KLHDC1: variants seen among roughly 807,000 people sequenced by gnomAD.
KLHDC1 encodes the protein kelch domain containing 1.
Under a neutral mutation model 68.3 loss-of-function variants are expected in KLHDC1, and 53 were observed. The ratio of observed to expected loss-of-function variants is 0.78; its 90% confidence interval spans 0.62 to 0.98. KLHDC1 has a LOEUF of 0.98. Ranked by LOEUF, KLHDC1 falls within the 50% of genes least tolerant of loss-of-function variation. The probability of loss-of-function intolerance (pLI) is 0.00; values close to 1 mark genes in which losing one functional copy is unlikely to be tolerated. For missense variants in KLHDC1, 470 were observed against 492.3 expected (o/e 0.95, Z 0.43); for synonymous variants, 148 against 159.0 (o/e 0.93, Z 0.52).
intron 1 of KLHDC1, among the ~76,000 whole-genome samples, chr14:49,700,499 A>C (rs1887873434): frequency 6.6e-6 from 1 of 152,134 alleles, no homozygotes; most frequent in Admixed American, 6.6e-5. Context: ...TGGGAGGATC[A>C]CTTGAGCCCA....
chr14:49,726,563 A>C (rs1888676272), intron 6 of KLHDC1, among the ~76,000 whole-genome samples: 1 of 152,228 alleles, frequency 6.6e-6, no homozygotes, highest in Admixed American at 6.5e-5. Flanking sequence ...TTTATAACAA[A>C]GCCCATGTTT....
chr14:49,694,587 C>T (rs1043514400), intron 1 of KLHDC1, among the ~76,000 whole-genome samples: 29 of 152,132 alleles, frequency 1.9e-4, no homozygotes, highest in African/African-American at 7.0e-4. Context: ...GGCGCGGTGG[C>T]TCACACCCGT....
chr14:49,743,432 A>G (rs572145184), intron 11 of KLHDC1, among the ~76,000 whole-genome samples: 85 of 149,444 alleles, frequency 5.7e-4, no homozygotes, highest in Middle Eastern at 3.4e-3. Flanking sequence ...GAAAACCACT[A>G]CCGTTATTTT....
At chr14:49,729,654 C>T in intron 8 of KLHDC1, 106 bp downstream of exon 8, 1 of 706,816 alleles carries the variant, frequency 1.4e-6, no homozygotes, top group Non-Finnish European at 2.4e-6. Context: ...TATTTTTTTC[C>T]TTCAGATCGT....
At chr14:49,716,634 T>A (rs756888351) in intron 4 of KLHDC1, among the ~76,000 whole-genome samples, 8 of 152,144 alleles carry the variant, frequency 5.3e-5, no homozygotes, top group Non-Finnish European at 1.2e-4. Context: ...TCCGCGCACC[T>A]CAGCCTCCCA....
intron 1 of KLHDC1, among the ~76,000 whole-genome samples, chr14:49,696,184 CT>C (rs775054220): frequency 1.8e-3 from 257 of 142,138 alleles, no homozygotes; most frequent in Middle Eastern, 3.6e-3. Context: ...TCACCTTGCA[CT>C]TTTTTTTTTT....
At chr14:49,705,349 T>C (rs1888019444) in intron 1 of KLHDC1, among the ~76,000 whole-genome samples, 1 of 137,288 alleles carries the variant, frequency 7.3e-6, no homozygotes, top group Non-Finnish European at 1.6e-5. Context: ...TTCACTTTCA[T>C]AATATTTCTT....
intron 1 of KLHDC1, among the ~76,000 whole-genome samples, chr14:49,698,549 T>C (rs1267691754): frequency 6.6e-6 from 1 of 150,752 alleles, no homozygotes; most frequent in Non-Finnish European, 1.5e-5. Context: ...AGAGTATCTC[T>C]CTGTTGCCCA....
chr14:49,716,684 T>C (rs1888387254), intron 4 of KLHDC1, among the ~76,000 whole-genome samples: 1 of 152,082 alleles, frequency 6.6e-6, no homozygotes, highest in African/African-American at 2.4e-5. Context: ...ACGCCCGGCT[T>C]GCTATACCTT....
At chr14:49,696,511 G>C (rs936365601) in intron 1 of KLHDC1, among the ~76,000 whole-genome samples, 8 of 152,218 alleles carry the variant, frequency 5.3e-5, no homozygotes, top group African/African-American at 1.9e-4. Context: ...ATGAAGAACA[G>C]CTTCCTTCCT....
At chr14:49,731,880 A>C (rs1370374917) in intron 8 of KLHDC1, among the ~76,000 whole-genome samples, 1 of 151,984 alleles carries the variant, frequency 6.6e-6, no homozygotes, top group Non-Finnish European at 1.5e-5. Flanking sequence ...AAATCCTTAG[A>C]GGTTTACCCT....
intron 1 of KLHDC1, among the ~76,000 whole-genome samples, chr14:49,694,414 A>C (rs965684473): frequency 2.0e-5 from 3 of 152,176 alleles, no homozygotes; most frequent in Non-Finnish European, 4.4e-5. Flanking sequence ...ACCAACATAC[A>C]GGCATACCTC....
chr14:49,728,841 A>T (rs1456057677), intron 6 of KLHDC1, 85 bp from the exon 7 acceptor site: 16 of 958,402 alleles, frequency 1.7e-5, no homozygotes, highest in Non-Finnish European at 2.2e-5. Flanking sequence ...CTTAGTGATT[A>T]AGACTTTCAC....
intron 1 of KLHDC1, among the ~76,000 whole-genome samples, chr14:49,706,684 T>A (rs1287000111): frequency 6.6e-6 from 1 of 152,216 alleles, no homozygotes; most frequent in African/African-American, 2.4e-5. Flanking sequence ...TTAACTGAAG[T>A]GAGATAATAT....
chr14:49,710,440 G>T, intron 4 of KLHDC1, 59 bp downstream of exon 4: 2 of 891,214 alleles, frequency 2.2e-6, no homozygotes, highest in Non-Finnish European at 3.7e-6. Flanking sequence ...AATAGCTTTG[G>T]CTAAAATACA....
intron 1 of KLHDC1, 78 bp downstream of exon 1, chr14:49,693,368 C>T: frequency 2.8e-6 from 3 of 1,073,830 alleles, no homozygotes; most frequent in Non-Finnish European, 3.7e-6. Context: ...CCGCCACACC[C>T]GCTCCCGAGG....
intron 1 of KLHDC1, among the ~76,000 whole-genome samples, chr14:49,693,718 G>A (rs1887640949): frequency 7.3e-6 from 1 of 137,924 alleles, no homozygotes; most frequent in South Asian, 2.5e-4. Context: ...AATCACTGAA[G>A]CATTTAAATA....
intron 6 of KLHDC1, among the ~76,000 whole-genome samples, chr14:49,728,333 A>G (rs1888721889): frequency 6.6e-6 from 1 of 152,226 alleles, no homozygotes. Flanking sequence ...GAAACAAAAA[A>G]CAAAACTTCT....
At chr14:49,701,014 C>CA (rs1266880968) in intron 1 of KLHDC1, among the ~76,000 whole-genome samples, 8 of 150,520 alleles carry the variant, frequency 5.3e-5, no homozygotes, top group African/African-American at 2.0e-4. Flanking sequence ...ACTTGGGAGG[C>CA]AGAGGTTGCA....
Sources: allele counts gnomAD v4.1 joint callset (sites outside exome capture counted in the v4.1 genomes callset), GRCh38; gene constraint gnomAD v4.1.1; transcripts MANE v1.5; gene names NCBI Gene and HGNC (gene_info 2026-07-23, HGNC 2026-07-21).